KIAA1614: variants seen among roughly 807,000 people sequenced by gnomAD.
KIAA1614 encodes the protein KIAA1614.
KIAA1614 carries 76 observed loss-of-function variants against 88.7 expected under a neutral mutation model. That is an observed-to-expected ratio of 0.86 (90% CI 0.71 to 1.04). KIAA1614 has a LOEUF of 1.04. KIAA1614 is among the 50% of genes least tolerant of loss of function. The pLI is 0.00. For missense variants in KIAA1614, 1,553 were observed against 1,582.5 expected (o/e 0.98, Z 0.32); for synonymous variants, 714 against 675.5 (o/e 1.06, Z -0.88).
chr1:180,938,801 AC>A, intron 6 of KIAA1614, 90 bp downstream of exon 6: 2 of 1,236,720 alleles, frequency 1.6e-6, no homozygotes, highest in Non-Finnish European at 2.3e-6. Flanking sequence ...TGGTGGCATG[AC>A]CCACCTCCCT....
Position 180,936,560 on chromosome 1 carries a change from G to A in KIAA1614, c.2651G>A (p.Ser884Asn), listed in dbSNP as rs1654339713. 1 of 1,613,804 alleles carries A rather than the reference G, an allele frequency of 6.2e-7. No homozygotes were observed. Among genetic ancestry groups the A allele is most frequent in the Non-Finnish European group, 8.5e-7 (1 of 1,179,994 alleles). Residue 884 changes from serine to asparagine, a missense_variant, in exon 5 of 9, where the codon AGC becomes AAC. Ser to Asn is a conservative substitution (Grantham distance 46). Transcript: ENST00000367588. ...CTGTCCACCAACAACTGCAACAACA[G>A]CGCACCTCGGGGGCTGCAGGAGCCC... ...LALSTNNCNN[S>N]APRGLQEPYG...
Position 180,916,739 on chromosome 1 carries a change from G to C in KIAA1614, c.636G>C (p.Pro212=). ...LLGPSSLQQS[P]IHGVTPGRPG... ...GGCCCAGCTCTTTGCAACAGAGCCC[G>C]ATCCATGGAGTTACTCCCGGACGGC... The change falls in exon 2 of 9, where the codon CCG becomes CCC. Residue 212 remains proline, a synonymous_variant. Transcript: ENST00000367588. 1.2e-6 allele frequency: 2 copies of C among 1,614,152 alleles called. No homozygotes were observed. The highest frequency in any genetic ancestry group is 1.7e-6 in the Non-Finnish European group (2 of 1,180,018).
chr1:180,939,731 T>G (rs1654412987), intron 6 of KIAA1614, among the ~76,000 whole-genome samples: 1 of 152,148 alleles, frequency 6.6e-6, no homozygotes, highest in African/African-American at 2.4e-5. Context: ...CTGCCTGCAA[T>G]GGTTTTTCCC....
chr1:180,936,913 G>A lies in KIAA1614; in HGVS notation c.2761+243G>A, dbSNP rs77093888. On this transcript the variant is annotated intron_variant, in intron 5 of 8. Transcript: ENST00000367588. Reference sequence around the variant, plus strand: ...GAGGCAGACTAAGCAACTCCCTCCCGGGGGAGGCAGAACCATGGGGAAGGT... The same window carrying A: ...GAGGCAGACTAAGCAACTCCCTCCCAGGGGAGGCAGAACCATGGGGAAGGT... 9.0e-3 allele frequency among the ~76,000 whole-genome samples: 1,375 copies of A among 152,246 alleles called. 12 individuals carry two copies. The highest frequency in any genetic ancestry group is 0.027 in the Middle Eastern group (8 of 294).
intron 3 of KIAA1614, chr1:180,928,133 C>T (rs1186473649): frequency 1.3e-5 from 4 of 306,450 alleles, no homozygotes; most frequent in Admixed American, 5.1e-5. Context: ...TCTGGAGACT[C>T]TCCTACCCTT....
Position 180,935,663 on chromosome 1 carries a change from C to A in KIAA1614, c.1754C>A (p.Ala585Glu). The A allele has an allele frequency of 6.2e-7, 1 of 1,613,050 alleles. No homozygotes were observed. The change falls in exon 5 of 9, where the codon GCA (alanine) becomes GAA (glutamate). Residue 585 changes from alanine to glutamate, a missense_variant. Ala to Glu is a moderately radical substitution (Grantham distance 107). Transcript: ENST00000367588. The surrounding 1 kb of genome is among the most constrained non-coding windows in gnomAD (Gnocchi z 6.1). ...AGCTCCCCACTCCGGCTCCTTCCTG[C>A]AGAGCCCCGGCTCCACATGGAATGG... Reference protein sequence around the residue: ...GLSSPLRLLPAEPRLHMEWIR... With the variant: ...GLSSPLRLLPEEPRLHMEWIR...
chr1:180,944,329 C>T (rs1654533710), intron 7 of KIAA1614, 60 bp from the exon 8 acceptor site: 13 of 1,584,510 alleles, frequency 8.2e-6, no homozygotes, highest in South Asian at 4.5e-5. Flanking sequence ...GGGGCCAAGT[C>T]CTCTGTCAGC....
At chr1:180,934,222 A>C (rs1048990503) in intron 4 of KIAA1614, among the ~76,000 whole-genome samples, 12 of 146,646 alleles carry the variant, frequency 8.2e-5, no homozygotes, top group African/African-American at 3.1e-4. Flanking sequence ...ATTGCACTCC[A>C]GCCTGGACAA....
At position 180,946,690 on chromosome 1, in the gene KIAA1614, G is replaced by A. The variant is rs1242780465; in HGVS notation, c.*1102G>A. ...CCGGGCTCTGCCGATGGGGGGTTGA[G>A]TCCTGTGCTTTGATCTCCTAGCTCA... On this transcript the variant is annotated 3_prime_UTR_variant, in exon 9 of 9. Transcript: ENST00000367588. 4 of 152,276 alleles carry A rather than the reference G, an allele frequency of 2.6e-5. No homozygotes were observed. The highest frequency in any genetic ancestry group is 9.6e-5 in the African/African-American group (4 of 41,456). 9.4% of individuals were successfully genotyped at this position (152,276 alleles called of 1,614,324 possible). A position where few individuals can be genotyped will look rare whatever the true frequency, so the allele number is the denominator to read the frequency against.
chr1:180,941,831 C>T (rs1177429875), intron 7 of KIAA1614, among the ~76,000 whole-genome samples: 1 of 152,230 alleles, frequency 6.6e-6, no homozygotes, highest in African/African-American at 2.4e-5. Flanking sequence ...TTTCTGGGAT[C>T]TGTCTGCTTT....
intron 2 of KIAA1614, 127 bp from the exon 3 acceptor site, chr1:180,917,722 CAA>C: frequency 1.3e-6 from 1 of 769,048 alleles, no homozygotes; most frequent in East Asian, 2.5e-5. Flanking sequence ...AATTTTCAGG[CAA>C]AGTGTTAGAT....
chr1:180,921,561 A>G (rs1449887630), intron 3 of KIAA1614, among the ~76,000 whole-genome samples: 1 of 152,148 alleles, frequency 6.6e-6, no homozygotes, highest in East Asian at 1.9e-4. Flanking sequence ...GCCATCGTGC[A>G]GCACTGCCAC....
chr1:180,939,516 C>T (rs1308621232), intron 6 of KIAA1614, among the ~76,000 whole-genome samples: 1 of 152,158 alleles, frequency 6.6e-6, no homozygotes, highest in East Asian at 1.9e-4. Flanking sequence ...CACTGTAACC[C>T]TCTGCAAGTC....
rs1654691998 is a variant in KIAA1614, at chr1:180,949,894, G to A, written c.*4306G>A. ...CCCACCACCCCGGCCTTTACGCTGGGCCTGGGTGACCTGAGGCAGCAACTG... is the reference window on the plus strand; with the variant it reads ...CCCACCACCCCGGCCTTTACGCTGGACCTGGGTGACCTGAGGCAGCAACTG... On this transcript the variant is annotated 3_prime_UTR_variant, in exon 9 of 9. Transcript: ENST00000367588. 1 of 152,238 alleles carries A rather than the reference G, an allele frequency of 6.6e-6. No individual in the cohort carries two copies. Among genetic ancestry groups the A allele is most frequent in the Non-Finnish European group, 1.5e-5 (1 of 68,080 alleles). 9.4% of individuals were successfully genotyped at this position (152,238 alleles called of 1,614,324 possible). A position where few individuals can be genotyped will look rare whatever the true frequency, so the allele number is the denominator to read the frequency against.
intron 4 of KIAA1614, among the ~76,000 whole-genome samples, chr1:180,929,645 C>T (rs542161535): frequency 2.0e-5 from 3 of 152,336 alleles, no homozygotes; most frequent in South Asian, 2.1e-4. Flanking sequence ...CTGCCTGTTC[C>T]GCCGATGGTG....
At chr1:180,934,470 G>A (rs1221607662) in intron 4 of KIAA1614, among the ~76,000 whole-genome samples, 5 of 151,132 alleles carry the variant, frequency 3.3e-5, no homozygotes, top group Non-Finnish European at 5.9e-5. Context: ...CACACCTGTG[G>A]TCCCAGCTAC....
chr1:180,920,783 G>A (rs573914973), intron 3 of KIAA1614, among the ~76,000 whole-genome samples: 2 of 152,224 alleles, frequency 1.3e-5, no homozygotes, highest in Admixed American at 6.5e-5. Context: ...GGGAGGCAAC[G>A]ACCCAGGACC....
At position 180,951,267 on chromosome 1, in the gene KIAA1614, C is replaced by T. The variant is rs976076370; in HGVS notation, c.*5679C>T. On this transcript the variant is annotated 3_prime_UTR_variant, in exon 9 of 9. Transcript: ENST00000367588. ...TGCTACTGTGGTAGCCAGGATCCAG[C>T]TAGTGGGACCGGCCAGACCAGCCCC... The T allele has an allele frequency of 2.6e-5, 4 of 152,264 alleles. No homozygotes were observed. Among genetic ancestry groups the T allele is most frequent in the African/African-American group, 9.6e-5 (4 of 41,464 alleles). 9.4% of individuals were successfully genotyped at this position (152,264 alleles called of 1,614,324 possible).
In KIAA1614 at chr1:180,916,421, T is replaced by C. The variant is rs750062280; in HGVS notation, c.318T>C (p.Ala106=). Reference sequence around the variant, plus strand: ...AACAGGGAGTGAGTCCCTGCTCTGCTTCCCAAGAGTGGTCATCCCCCAAGA... The same window carrying C: ...AACAGGGAGTGAGTCCCTGCTCTGCCTCCCAAGAGTGGTCATCCCCCAAGA... ...VAKQGVSPCS[A]SQEWSSPKKP... Residue 106 remains alanine (A), a synonymous_variant, in exon 2 of 9, where the codon GCT becomes GCC. Transcript: ENST00000367588. 1.2e-6 allele frequency: 2 copies of C among 1,614,208 alleles called. No individual in the cohort carries two copies. Among genetic ancestry groups the C allele is most frequent in the East Asian group, 2.2e-5 (1 of 44,890 alleles).
Sources: allele counts gnomAD v4.1 joint callset (sites outside exome capture counted in the v4.1 genomes callset), GRCh38; gene constraint gnomAD v4.1.1; non-coding constraint Gnocchi (gnomAD v3.1); transcripts MANE v1.5; gene names NCBI Gene and HGNC (gene_info 2026-07-23, HGNC 2026-07-21).